The following ADAT2 variants were observed in gnomAD, a reference collection of about 807,000 sequenced individuals.
ADAT2 encodes the protein tRNA-specific adenosine-34 deaminase catalytic subunit ADAT2.
Under a neutral mutation model 25.9 loss-of-function variants are expected in ADAT2, and 26 were observed. That is an observed-to-expected ratio of 1.00 (90% CI 0.74 to 1.39). ADAT2 has a LOEUF of 1.39. ADAT2 is among the 40% of genes most tolerant of loss of function. The pLI, the probability that ADAT2 is intolerant of heterozygous loss-of-function variation, is 0.00. For missense variants in ADAT2, 220 were observed against 244.8 expected, an observed-to-expected ratio of 0.90 and a Z score of 0.68; for synonymous variants, 76 against 86.8, an observed-to-expected ratio of 0.88 and a Z score of 0.69.
At chr6:143,438,196 G>A (rs917626217) in intron 2 of ADAT2, among the ~76,000 whole-genome samples, 2 of 152,140 alleles carry the variant, frequency 1.3e-5, no homozygotes, top group African/African-American at 4.8e-5. Context: ...GAGTTAAATT[G>A]ACCTATTTTA....
At chr6:143,439,227 T>C (rs1332912621) in intron 1 of ADAT2, among the ~76,000 whole-genome samples, 2 of 151,554 alleles carry the variant, frequency 1.3e-5, no homozygotes, top group Non-Finnish European at 2.9e-5. Context: ...AAGTACTCTA[T>C]GTAAAATGGC....
chr6:143,432,557 G>C lies in ADAT2; in HGVS notation c.407C>G (p.Ser136Cys), dbSNP rs778648079. 2 of 1,614,216 alleles carry C rather than the reference G, an allele frequency of 1.2e-6. No individual in the cohort carries two copies. Among genetic ancestry groups the C allele is most frequent in the Non-Finnish European group, 1.7e-6 (2 of 1,180,042 alleles). ...CQNERFGGCGSVLNIASADLP... is the reference protein window; with the variant it reads ...CQNERFGGCGCVLNIASADLP... The stretch of plus-strand genomic sequence containing the variant: ...GTCAGCAGAGGCAATATTTAGAACA[G>C]AGCCACAACCACCAAATCGTTCATT... Residue 136 changes from serine (S) to cysteine (C), a missense_variant, in exon 4 of 6, where the codon TCT becomes TGT. Transcript: ENST00000237283. This position sits in a 1 kb window ranked among gnomAD's most constrained non-coding sequence, Gnocchi z 4.4.
chr6:143,432,707 C>T lies in ADAT2; in HGVS notation c.353-96G>A, dbSNP rs975628463. On this transcript the variant is annotated intron_variant, in intron 3 of 5. Transcript: ENST00000237283. The surrounding 1 kb of genome is among the most constrained non-coding windows in gnomAD (Gnocchi z 4.4). ...TTATACCAGCCATCCTGGAGAGGAACGCTCATGCTACTCTTCAAACCAGTG... is the reference window on the plus strand; with the variant it reads ...TTATACCAGCCATCCTGGAGAGGAATGCTCATGCTACTCTTCAAACCAGTG... 8 of 1,116,808 alleles carry T rather than the reference C, an allele frequency of 7.2e-6. No individual in the cohort carries two copies. The highest frequency in any genetic ancestry group is 3.1e-5 in the African/African-American group (2 of 64,384). 69.2% of individuals were successfully genotyped at this position (1,116,808 alleles called of 1,614,324 possible). A position where few individuals can be genotyped will look rare whatever the true frequency, so the allele number is the denominator to read the frequency against.
chr6:143,441,060 AG>A (rs1779443121), intron 1 of ADAT2, among the ~76,000 whole-genome samples: 1 of 152,178 alleles, frequency 6.6e-6, no homozygotes, highest in African/African-American at 2.4e-5. Flanking sequence ...TACCTGGAAA[AG>A]GCAGGCTTCC....
chr6:143,432,722 T>C lies in ADAT2; in HGVS notation c.353-111A>G, dbSNP rs567320143. ...TGGAGAGGAACGCTCATGCTACTCT[T>C]CAAACCAGTGAAGCTTAGGATTCGT... On this transcript the variant is annotated intron_variant, in intron 3 of 5. Coordinates refer to ENST00000237283, the MANE Select transcript of ADAT2 (RefSeq NM_182503.3). The surrounding 1 kb of genome is among the most constrained non-coding windows in gnomAD (Gnocchi z 4.4). The C allele has an allele frequency of 6.4e-5, 62 of 964,970 alleles. 1 individual carries two copies. The African/African-American group carries it at 9.1e-4, about 14-fold the overall frequency. The allele number at this position is 964,970 out of a possible 1,614,324, so 59.8% of individuals were successfully genotyped here. A position where few individuals can be genotyped will look rare whatever the true frequency, so the allele number is the denominator to read the frequency against.
At chr6:143,438,306 A>T (rs979048323) in intron 2 of ADAT2, among the ~76,000 whole-genome samples, 2 of 152,204 alleles carry the variant, frequency 1.3e-5, no homozygotes, top group African/African-American at 4.8e-5. Flanking sequence ...CTTGGGTTTC[A>T]CTCAAGCATT....
rs1006749348 is a variant in ADAT2 at position 143,444,596 on chromosome 6, C to T, written c.97-5902G>A. ...ATGGGTCTGAAATTTGTGCAGGTAG[C>T]TTTGAATTTAACCTTTCTTGCCTTT... On this transcript the variant is annotated intron_variant, in intron 1 of 5. Coordinates refer to ENST00000237283, the MANE Select transcript of ADAT2 (RefSeq NM_182503.3). This position sits in a 1 kb window ranked among gnomAD's most constrained non-coding sequence, Gnocchi z 4.3. The T allele has an allele frequency of 6.5e-6, 1 of 154,606 alleles. No individual in the cohort carries two copies. Among genetic ancestry groups the T allele is most frequent in the African/African-American group, 2.4e-5 (1 of 41,456 alleles). The allele number at this position is 154,606 out of a possible 1,614,324, so 9.6% of individuals were successfully genotyped here. A position where few individuals can be genotyped will look rare whatever the true frequency, so the allele number is the denominator to read the frequency against.
Position 143,428,758 on chromosome 6 carries a change from T to C in ADAT2, c.460-74A>G. On this transcript the variant is annotated intron_variant, in intron 4 of 5. Transcript: ENST00000237283. This position sits in a 1 kb window ranked among gnomAD's most constrained non-coding sequence, Gnocchi z 5.0. Reference sequence around the variant, plus strand: ...TGCTGTATCCCATAAAAACAACATATATATACATGATTATGTAAACAGATT... The same window carrying C: ...TGCTGTATCCCATAAAAACAACATACATATACATGATTATGTAAACAGATT... 7.5e-7 allele frequency: 1 copy of C among 1,333,880 alleles called. No homozygotes were observed. Among genetic ancestry groups the C allele is most frequent in the South Asian group, 1.3e-5 (1 of 78,598 alleles). The allele number at this position is 1,333,880 out of a possible 1,614,324, so 82.6% of individuals were successfully genotyped here. A position where few individuals can be genotyped will look rare whatever the true frequency, so the allele number is the denominator to read the frequency against.
chr6:143,450,385 G>T (rs1779727660), intron 1 of ADAT2, among the ~76,000 whole-genome samples, 178 bp downstream of exon 1: 1 of 152,148 alleles, frequency 6.6e-6, no homozygotes, highest in Non-Finnish European at 1.5e-5. Context: ...TTCGCCCAGA[G>T]CCACTGTGAG....
rs1396776079 is a variant in ADAT2, at chr6:143,432,092, C to T, written c.459+413G>A. On this transcript the variant is annotated intron_variant, in intron 4 of 5. Transcript: ENST00000237283. This position sits in a 1 kb window ranked among gnomAD's most constrained non-coding sequence, Gnocchi z 4.4. The stretch of plus-strand genomic sequence containing the variant: ...ATCAAGCAAAATGATTAAATTTGTA[C>T]AAAAATATTGTGTGTGCTGTAAATA... 1.3e-5 allele frequency among the ~76,000 whole-genome samples: 2 copies of T among 152,246 alleles called. No homozygotes were observed. The highest frequency in any genetic ancestry group is 1.9e-4 in the East Asian group (1 of 5,178).
intron 1 of ADAT2, among the ~76,000 whole-genome samples, chr6:143,448,471 A>G (rs181496412): frequency 1.6e-4 from 24 of 152,310 alleles, no homozygotes; most frequent in African/African-American, 5.5e-4. Flanking sequence ...TTATCAGCAT[A>G]TTAAATAAAA....
chr6:143,445,901 T>C (rs1314342814), intron 1 of ADAT2, among the ~76,000 whole-genome samples: 2 of 152,188 alleles, frequency 1.3e-5, no homozygotes, highest in African/African-American at 2.4e-5. Context: ...TTAATATCAA[T>C]TGCCCCAAAA....
intron 1 of ADAT2, 103 bp downstream of exon 1, chr6:143,450,459 TA>T: frequency 7.8e-7 from 1 of 1,284,630 alleles, no homozygotes; most frequent in Non-Finnish European, 1.1e-6. Context: ...CTGACTGCCA[TA>T]AAAATTATGG....
In ADAT2 at chr6:143,437,658, G is replaced by C. The variant is rs1335637748; in HGVS notation, c.201+932C>G. 3.3e-5 allele frequency among the ~76,000 whole-genome samples: 5 copies of C among 152,052 alleles called. No homozygotes were observed. The highest frequency in any genetic ancestry group is 1.2e-4 in the African/African-American group (5 of 41,398). Reference sequence around the variant, plus strand: ...AAGTAAATAAATGATTTGTGAATCTGGATTCCTATTTTACATGTGTTTTGC... The same window carrying C: ...AAGTAAATAAATGATTTGTGAATCTCGATTCCTATTTTACATGTGTTTTGC... On this transcript the variant is annotated intron_variant, in intron 2 of 5. Coordinates refer to ENST00000237283, the MANE Select transcript of ADAT2 (RefSeq NM_182503.3). This position sits in a 1 kb window ranked among gnomAD's most constrained non-coding sequence, Gnocchi z 4.1.
At chr6:143,430,983 G>T (rs1469123621) in intron 4 of ADAT2, among the ~76,000 whole-genome samples, 1 of 152,154 alleles carries the variant, frequency 6.6e-6, no homozygotes, top group Non-Finnish European at 1.5e-5. Context: ...AGCATGAAAA[G>T]AATCTGCAAT....
intron 1 of ADAT2, chr6:143,441,290 T>C (rs1212890926): frequency 6.6e-6 from 1 of 152,250 alleles, no homozygotes; most frequent in Non-Finnish European, 1.5e-5. Flanking sequence ...GGCAACACTC[T>C]AGTATCTAGA....
intron 3 of ADAT2, 31 bp downstream of exon 3, chr6:143,433,800 C>A (rs377428375): frequency 6.2e-7 from 1 of 1,607,530 alleles, no homozygotes; most frequent in South Asian, 1.1e-5. Context: ...ACGAATGGTA[C>A]GATACATTAA....
chr6:143,439,901 T>C (rs1200399755), intron 1 of ADAT2, among the ~76,000 whole-genome samples: 1 of 152,176 alleles, frequency 6.6e-6, no homozygotes, highest in Non-Finnish European at 1.5e-5. Context: ...ATGACTACCA[T>C]CCCAGGAATG....
At position 143,425,733 on chromosome 6, in the gene ADAT2, T is replaced by TTGTGTGTGTGTGTGTGTGTTTG. The variant is rs1778913040; in HGVS notation, c.*2729_*2730insCAAACACACACACACACACACA. ...GGTAAAGGGCCATGGTGTGTTGTGT[T>TTGTGTGTGTGTGTGTGTGTTTG]TGTGTGTGTGTGTGTGTGTGTGTGT... is the stretch of plus-strand genomic sequence containing the variant. On this transcript the variant is annotated 3_prime_UTR_variant, in exon 6 of 6. Coordinates refer to ENST00000237283, the MANE Select transcript of ADAT2 (RefSeq NM_182503.3). 5.1e-5 allele frequency: 7 copies of TTGTGTGTGTGTGTGTGTGTTTG among 136,514 alleles called. No individual in the cohort carries two copies. The highest frequency in any genetic ancestry group is 1.1e-4 in the Non-Finnish European group (7 of 65,126). The allele number at this position is 136,514 out of a possible 1,614,324, so 8.5% of individuals were successfully genotyped here. A position where few individuals can be genotyped will look rare whatever the true frequency, so the allele number is the denominator to read the frequency against.
Sources: gnomAD v4.1 joint callset for allele counts (sites outside exome capture counted in the v4.1 genomes callset) on GRCh38, gnomAD v4.1.1 for gene constraint, Gnocchi (gnomAD v3.1) non-coding constraint, MANE v1.5 for transcripts, NCBI Gene and HGNC (gene_info 2026-07-23, HGNC 2026-07-21) for gene names.